ZFYVE26: variants seen among roughly 807,000 people sequenced by gnomAD.
ZFYVE26 encodes zinc finger FYVE domain-containing protein 26.
ZFYVE26 carries 181 observed loss-of-function variants against 276.5 expected under a neutral mutation model. The observed-to-expected ratio is 0.65, with a 90% CI of 0.58 to 0.74. ZFYVE26 has a LOEUF of 0.74. Ranked by LOEUF, ZFYVE26 falls within the 30% of genes least tolerant of loss-of-function variation. The probability of loss-of-function intolerance (pLI) is 0.00; values close to 1 mark genes in which losing one functional copy is unlikely to be tolerated. For synonymous variants in ZFYVE26, 1,129 were observed against 1,203.1 expected, an observed-to-expected ratio of 0.94 and a Z score of 1.27; for missense variants, 2,821 against 3,097.9, an observed-to-expected ratio of 0.91 and a Z score of 2.12.
intron 25 of ZFYVE26, among the ~76,000 whole-genome samples, 197 bp from the exon 26 acceptor site, chr14:67,776,303 T>A (rs1358028925): frequency 6.6e-6 from 1 of 152,222 alleles, no homozygotes; most frequent in African/African-American, 2.4e-5. Context: ...GTACTCCAAG[T>A]ACCTTCACCA....
intron 24 of ZFYVE26, 79 bp from the exon 25 acceptor site, chr14:67,777,814 A>G: frequency 6.4e-7 from 1 of 1,559,570 alleles, no homozygotes; most frequent in South Asian, 1.1e-5. Context: ...TGAGAATAGA[A>G]TATTTAGGTT....
intron 35 of ZFYVE26, chr14:67,760,996 G>A (rs1240929374): frequency 1.9e-6 from 1 of 539,036 alleles, no homozygotes; most frequent in Non-Finnish European, 3.3e-6. Flanking sequence ...CACCATCCCA[G>A]GCCAGGTAGG....
In ZFYVE26 at chr14:67,781,353, C is replaced by T. The variant is rs367854645; in HGVS notation, c.4549G>A (p.Glu1517Lys). 3 of 1,614,178 alleles carry T rather than the reference C, an allele frequency of 1.9e-6. No homozygotes were observed. In the African/African-American group the frequency reaches 4.0e-5, roughly 22 times the overall value. ...LKCELQRKLA[E>K]LQVYQKILGL... Reference sequence around the variant, plus strand: ...CATACCTTCTGATACACCTGCAGCTCCGCCAGCTTCCTCTGTAGCTCACAC... The same window carrying T: ...CATACCTTCTGATACACCTGCAGCTTCGCCAGCTTCCTCTGTAGCTCACAC... The change falls in exon 22 of 42, where the codon GAG (glutamate) becomes AAG (lysine). Residue 1517 changes from glutamate (E) to lysine (K), a missense_variant. Coordinates refer to ENST00000347230, the MANE Select transcript of ZFYVE26 (RefSeq NM_015346.4).
intron 9 of ZFYVE26, among the ~76,000 whole-genome samples, chr14:67,802,718 T>C (rs11621019): frequency 0.24 from 36,166 of 152,152 alleles, 5,578 homozygotes; most frequent in Middle Eastern, 0.37. Context: ...GCCTGTATAC[T>C]TGCATGTAAG....
At chr14:67,734,006 C>T (rs1014647035) in intron 13 of ZFYVE26, 2 of 608,476 alleles carry the variant, frequency 3.3e-6, no homozygotes, top group African/African-American at 3.7e-5. Context: ...GTTTGCACAC[C>T]TGACACTCTT....
chr14:67,767,893 A>G, intron 30 of ZFYVE26, 53 bp from the exon 31 acceptor site: 1 of 1,613,548 alleles, frequency 6.2e-7, no homozygotes, highest in Non-Finnish European at 8.5e-7. Flanking sequence ...AGTTCAGTCT[A>G]ACCCAGTCCA....
intron 35 of ZFYVE26, among the ~76,000 whole-genome samples, chr14:67,760,534 C>A (rs2038902720): frequency 6.6e-6 from 1 of 152,140 alleles, no homozygotes; most frequent in African/African-American, 2.4e-5. Context: ...TACATCTCAG[C>A]CAATTTCTCC....
At chr14:67,799,401 G>C (rs960015479) in intron 10 of ZFYVE26, 1 of 1,612,656 alleles carries the variant, frequency 6.2e-7, no homozygotes, top group Non-Finnish European at 8.5e-7. Context: ...AGGAAAAGGA[G>C]GGCTCAGGAA....
rs374364400 is a variant in ZFYVE26, at chr14:67,809,406, CTCT to C, written c.274-120_274-118del. On this transcript the variant is annotated intron_variant, in intron 3 of 41. Coordinates refer to ENST00000347230, the MANE Select transcript of ZFYVE26 (RefSeq NM_015346.4). ...TCTGCTATTTCTCTAAGATGAAGCACTCTTTTTTTTTTTTTTTTTTTTTTTTTT... is the reference window on the plus strand; with the variant it reads ...TCTGCTATTTCTCTAAGATGAAGCACTTTTTTTTTTTTTTTTTTTTTTTTT... 0.34 allele frequency: 76,374 copies of C among 227,116 alleles called. 2,846 individuals carry two copies. The highest frequency in any genetic ancestry group is 0.44 in the South Asian group (8,221 of 18,728). 14.1% of individuals were successfully genotyped at this position (227,116 alleles called of 1,614,324 possible).
In ZFYVE26 at chr14:67,775,362, C is replaced by A. The variant is rs566067318; in HGVS notation, c.5222-248G>T. On this transcript the variant is annotated intron_variant, in intron 26 of 41. Coordinates refer to ENST00000347230, the MANE Select transcript of ZFYVE26 (RefSeq NM_015346.4). The stretch of plus-strand genomic sequence containing the variant: ...GACACTAGGATTCTACAAAATAAAT[C>A]AAAAAATGCCCAGAGGGAAGTGGAA... Among the ~76,000 whole-genome samples, 11 of 152,172 alleles carry A rather than the reference C, an allele frequency of 7.2e-5. No homozygotes were observed. The East Asian group carries it at 1.4e-3, about 19-fold the overall frequency.
In ZFYVE26 at chr14:67,785,073, A is replaced by C; in HGVS notation, c.3509T>G (p.Leu1170Trp). The C allele has an allele frequency of 6.2e-7, 1 of 1,614,208 alleles. No homozygotes were observed. ...TTGCTACCTACCAGGCTCAGAGCTC[A>C]AACTTTGAAGGAGAACTGCAGCAAG... Reference protein sequence around the residue: ...STLAAVLLQSLSSEPDHVEVK... With the variant: ...STLAAVLLQSWSSEPDHVEVK... The change falls in exon 19 of 42, where the codon TTG (leucine) becomes TGG (tryptophan). Residue 1170 changes from leucine to tryptophan, a missense_variant. Coordinates refer to ENST00000347230, the MANE Select transcript of ZFYVE26 (RefSeq NM_015346.4).
intron 3 of ZFYVE26, among the ~76,000 whole-genome samples, chr14:67,811,393 C>T (rs771079827): frequency 2.0e-5 from 3 of 151,856 alleles, no homozygotes; most frequent in Admixed American, 6.6e-5. Context: ...TTCTGGTGAC[C>T]GAGAGGAGCA....
chr14:67,814,989 T>C (rs1292545316), intron 2 of ZFYVE26, among the ~76,000 whole-genome samples: 1 of 152,220 alleles, frequency 6.6e-6, no homozygotes, highest in Non-Finnish European at 1.5e-5. Flanking sequence ...GTTACTAGCA[T>C]CACCAGGAGG....
chr14:67,753,389 C>CAT (rs1177585550), intron 39 of ZFYVE26, among the ~76,000 whole-genome samples: 17 of 152,210 alleles, frequency 1.1e-4, no homozygotes, highest in African/African-American at 3.9e-4. Flanking sequence ...AGCCCCTGGC[C>CAT]ACCCCTCCAG....
chr14:67,807,899 G>A lies in ZFYVE26; in HGVS notation c.385C>T (p.Gln129Ter), dbSNP rs759913777. ...TCAGGCACGTGGCCTACTGCACCCT[G>A]TGTTAAGGTCTCATACAGCTCCTAA... The part of the protein sequence containing the change: ...ILEELYETLT[Q>*]GAVGHVPDGN... Residue 129 changes from glutamine to a stop codon, truncating the protein, a stop_gained, in exon 5 of 42, where the codon CAG (glutamine) becomes TAG (stop). Coordinates refer to ENST00000347230, the MANE Select transcript of ZFYVE26 (RefSeq NM_015346.4). LOFTEE classifies it high-confidence loss of function. 1 of 1,614,152 alleles carries A rather than the reference G, an allele frequency of 6.2e-7. No homozygotes were observed. The highest frequency in any genetic ancestry group is 8.5e-7 in the Non-Finnish European group (1 of 1,180,024).
chr14:67,742,953 C>A (rs1372344869), downstream of ZFYVE26, among the ~76,000 whole-genome samples: 1 of 150,796 alleles, frequency 6.6e-6, no homozygotes, highest in Non-Finnish European at 1.5e-5. Flanking sequence ...GATCCTCCCA[C>A]CTCAGCCTCC....
At position 67,752,486 on chromosome 14, in the gene ZFYVE26, G is replaced by A; in HGVS notation, c.7229C>T (p.Ala2410Val). ...LDAAMTYCRA[A>V]RQLVEKEKYS... is the part of the protein sequence containing the mutation. ...CTTCTCTTTCTCCACCAACTGGCGGGCAGCTCTGCAGTAGGTCATGGCAGC... is the reference window on the plus strand; with the variant it reads ...CTTCTCTTTCTCCACCAACTGGCGGACAGCTCTGCAGTAGGTCATGGCAGC... Residue 2410 changes from alanine (A) to valine (V), a missense_variant, in exon 40 of 42, where the codon GCC becomes GTC. Transcript: ENST00000347230. 2 of 1,614,186 alleles carry A rather than the reference G, an allele frequency of 1.2e-6. No individual in the cohort carries two copies. Among genetic ancestry groups the A allele is most frequent in the Non-Finnish European group, 1.7e-6 (2 of 1,180,042 alleles).
At chr14:67,758,317 G>C (rs775021222) in intron 35 of ZFYVE26, among the ~76,000 whole-genome samples, 7 of 152,180 alleles carry the variant, frequency 4.6e-5, no homozygotes, top group Non-Finnish European at 7.3e-5. Context: ...CACATTTTAA[G>C]AAGCAGGGGC....
chr14:67,807,285 C>T, intron 5 of ZFYVE26, 113 bp downstream of exon 5: 2 of 1,436,608 alleles, frequency 1.4e-6, no homozygotes, highest in East Asian at 2.3e-5. Flanking sequence ...TTTTGCTTAG[C>T]CTCCCCTATT....
Sources: allele counts gnomAD v4.1 joint callset (sites outside exome capture counted in the v4.1 genomes callset), GRCh38; gene constraint gnomAD v4.1.1; transcripts MANE v1.5; gene names NCBI Gene and HGNC (gene_info 2026-07-23, HGNC 2026-07-21).